The following CAT variants were observed in gnomAD, a reference collection of about 807,000 sequenced individuals.
CAT encodes epididymis secretory sperm binding protein.
Under a neutral mutation model 59.0 loss-of-function variants are expected in CAT, and 43 were observed. The ratio of observed to expected loss-of-function variants is 0.73; its 90% CI spans 0.57 to 0.94. The LOEUF (loss-of-function observed/expected upper bound fraction) is 0.94. Among genes scored for constraint, CAT ranks in the 40% least tolerant of loss-of-function variants. CAT has a pLI of 0.00. For synonymous variants in CAT, 218 were observed against 230.9 expected (o/e 0.94, Z 0.51); for missense variants, 664 against 682.9 (o/e 0.97, Z 0.31).
chr11:34,462,803 A>C (rs1394538654), intron 9 of CAT, among the ~76,000 whole-genome samples: 1 of 152,218 alleles, frequency 6.6e-6, no homozygotes, highest in Non-Finnish European at 1.5e-5. Context: ...CTTTAAAGAC[A>C]ACTACCACTT....
At chr11:34,461,678 G>T (rs575609760) in intron 9 of CAT, among the ~76,000 whole-genome samples, 26 of 152,206 alleles carry the variant, frequency 1.7e-4, no homozygotes, top group Non-Finnish European at 3.4e-4. Flanking sequence ...TTTCACACTG[G>T]CTAGAGTACA....
chr11:34,455,939 A>G (rs1856583777), intron 6 of CAT, 72 bp from the exon 7 acceptor site: 7 of 1,304,712 alleles, frequency 5.4e-6, no homozygotes, highest in South Asian at 1.2e-5. Context: ...TAATCCTTCA[A>G]TGAATTACTG....
intron 9 of CAT, among the ~76,000 whole-genome samples, chr11:34,461,892 A>T (rs1319435362): frequency 1.3e-5 from 2 of 152,170 alleles, no homozygotes; most frequent in African/African-American, 2.4e-5. Flanking sequence ...ATTAGCAGGG[A>T]AGGCTGGGGA....
intron 8 of CAT, among the ~76,000 whole-genome samples, chr11:34,458,097 G>T (rs1424886718): frequency 6.6e-6 from 1 of 152,210 alleles, no homozygotes; most frequent in Non-Finnish European, 1.5e-5. Flanking sequence ...GCAAAATTTT[G>T]TCTGATAGGA....
chr11:34,439,479 C>T (rs140573346), intron 1 of CAT, among the ~76,000 whole-genome samples: 2 of 152,242 alleles, frequency 1.3e-5, no homozygotes, highest in African/African-American at 4.8e-5. Flanking sequence ...ATACTGTTTA[C>T]ACGCTTTCAT....
intron 6 of CAT, among the ~76,000 whole-genome samples, 168 bp downstream of exon 6, chr11:34,454,094 A>G (rs1487142774): frequency 6.6e-6 from 1 of 152,220 alleles, no homozygotes; most frequent in Non-Finnish European, 1.5e-5. Flanking sequence ...GTTGGCTACC[A>G]TCTGAGGACC....
At chr11:34,446,864 C>G (rs1856463225) in intron 1 of CAT, among the ~76,000 whole-genome samples, 2 of 152,184 alleles carry the variant, frequency 1.3e-5, no homozygotes, top group Admixed American at 1.3e-4. Flanking sequence ...GCCTCAGCCT[C>G]CCGAGTAGCT....
intron 1 of CAT, among the ~76,000 whole-genome samples, chr11:34,448,010 G>T (rs1286807563): frequency 6.6e-6 from 1 of 152,198 alleles, no homozygotes; most frequent in Non-Finnish European, 1.5e-5. Context: ...TTACTAGTGT[G>T]TGAGAGGGTC....
Position 34,470,960 on chromosome 11 carries a change from C to T in CAT, c.1437C>T (p.Val479=). 11 of 1,613,578 alleles carry T rather than the reference C, an allele frequency of 6.8e-6. No individual in the cohort carries two copies. Among genetic ancestry groups the T allele is most frequent in the Non-Finnish European group, 9.3e-6 (11 of 1,179,490 alleles). The change falls in exon 12 of 13, where the codon GTC becomes GTT. Residue 479 remains valine, a splice_region_variant and synonymous_variant. Coordinates refer to ENST00000241052, the MANE Select transcript of CAT (RefSeq NM_001752.4). ...DAQIFIQKKA[V]KNFTEVHPDY... is the part of the protein sequence containing the mutation. ...CATTTATTTTCCTTTGGCCTTAGGT[C>T]AAGAACTTCACTGAGGTCCACCCTG...
intron 11 of CAT, 182 bp downstream of exon 11, chr11:34,468,577 G>T: frequency 1.6e-6 from 1 of 637,664 alleles, no homozygotes; most frequent in Non-Finnish European, 2.8e-6. Context: ...TGTTTTATCT[G>T]GTCTGGCATA....
Position 34,439,018 on chromosome 11 carries a change from C to T in CAT, c.5C>T (p.Ala2Val). The stretch of plus-strand genomic sequence containing the variant: ...CTGCACAGCAAACCGCACGCTATGG[C>T]TGACAGCCGGGATCCCGCCAGCGAC... MADSRDPASDQM... is the reference protein window; with the variant it reads MVDSRDPASDQM... Residue 2 changes from alanine to valine, a missense_variant, in exon 1 of 13, where the codon GCT (alanine) becomes GTT (valine). Transcript: ENST00000241052. 2 of 1,592,152 alleles carry T rather than the reference C, an allele frequency of 1.3e-6. No homozygotes were observed. The highest frequency in any genetic ancestry group is 1.7e-6 in the Non-Finnish European group (2 of 1,169,294).
chr11:34,456,654 A>G lies in CAT; in HGVS notation c.904-11A>G, dbSNP rs1657886693. On this transcript the variant is annotated splice_polypyrimidine_tract_variant and intron_variant, in intron 7 of 12. Transcript: ENST00000241052. ...ATTGCCTGGTAATTGTGAATATGAC[A>G]TCATTTTCAGGTTTGGCCTCACAAG... 1 of 1,612,778 alleles carries G rather than the reference A, an allele frequency of 6.2e-7. No individual in the cohort carries two copies. Among genetic ancestry groups the G allele is most frequent in the African/African-American group, 1.3e-5 (1 of 74,914 alleles).
rs577690595 is a variant in CAT, at chr11:34,452,854, A to T, written c.481-236A>T. On this transcript the variant is annotated intron_variant, in intron 4 of 12. Coordinates refer to ENST00000241052, the MANE Select transcript of CAT (RefSeq NM_001752.4). ...GGGTGACAGAGTGAGACCCTGTCTT[A>T]AAAAAAAAAAAAAAGAAAAGACTAT... is the stretch of plus-strand genomic sequence containing the variant. 2.3e-3 allele frequency among the ~76,000 whole-genome samples: 310 copies of T among 137,352 alleles called. 1 individual carries two copies. The highest frequency in any genetic ancestry group is 8.0e-3 in the African/African-American group (291 of 36,380). The allele number at this position is 137,352 out of a possible 152,430, so 90.1% of individuals were successfully genotyped here.
At chr11:34,449,103 A>C (rs1015972313) in intron 1 of CAT, 89 bp from the exon 2 acceptor site, 6 of 1,143,462 alleles carry the variant, frequency 5.2e-6, no homozygotes, top group Non-Finnish European at 6.6e-6. Context: ...CAGATGGTAT[A>C]AACATTGCAA....
chr11:34,447,780 CT>C (rs1192428622), intron 1 of CAT, among the ~76,000 whole-genome samples: 1 of 152,184 alleles, frequency 6.6e-6, no homozygotes, highest in Non-Finnish European at 1.5e-5. Flanking sequence ...ACATTTAACT[CT>C]TTTAATTCAT....
intron 2 of CAT, among the ~76,000 whole-genome samples, chr11:34,450,247 C>T (rs1360095635): frequency 6.6e-6 from 1 of 152,186 alleles, no homozygotes; most frequent in Non-Finnish European, 1.5e-5. Context: ...GATGTACTTA[C>T]TGGGTAATTA....
In CAT at chr11:34,451,997, A is replaced by G. The variant is rs540851318; in HGVS notation, c.350-80A>G. On this transcript the variant is annotated intron_variant, in intron 3 of 12. Transcript: ENST00000241052. Reference sequence around the variant, plus strand: ...GAAGTGGATTAGAAAGGATGGATCCAGGTGCTTCTTTATGTCTCCAGGCTT... The same window carrying G: ...GAAGTGGATTAGAAAGGATGGATCCGGGTGCTTCTTTATGTCTCCAGGCTT... The G allele has an allele frequency of 5.7e-5, 83 of 1,454,812 alleles. No individual in the cohort carries two copies. The African/African-American group carries it at 1.1e-3, about 20-fold the overall frequency. 90.1% of individuals were successfully genotyped at this position (1,454,812 alleles called of 1,614,324 possible).
At position 34,453,861 on chromosome 11, in the gene CAT, G is replaced by A. The variant is rs1856559047; in HGVS notation, c.646G>A (p.Gly216Arg). 6.2e-7 allele frequency: 1 copy of A among 1,613,538 alleles called. No homozygotes were observed. The part of the protein sequence containing the change: ...PDGHRHMNGY[G>R]SHTFKLVNAN... ...TGGACATCGCCACATGAATGGATAT[G>A]GATCACATACTTTCAAGCTGGTTAA... is the stretch of plus-strand genomic sequence containing the variant. Residue 216 changes from glycine (G) to arginine (R), a missense_variant, in exon 6 of 13, where the codon GGA (glycine) becomes AGA (arginine). Transcript: ENST00000241052.
At chr11:34,445,040 T>C (rs1856433008) in intron 1 of CAT, among the ~76,000 whole-genome samples, 2 of 152,160 alleles carry the variant, frequency 1.3e-5, no homozygotes, top group Admixed American at 6.5e-5. Context: ...TTCCTCCTGC[T>C]TGTTAGAAAG....
Sources: gnomAD v4.1 joint callset for allele counts (sites outside exome capture counted in the v4.1 genomes callset) on GRCh38, gnomAD v4.1.1 for gene constraint, MANE v1.5 for transcripts, NCBI Gene and HGNC (gene_info 2026-07-23, HGNC 2026-07-21) for gene names.